ZNF483: variants seen among roughly 807,000 people sequenced by gnomAD.
ZNF483 encodes zinc finger protein HIT-10.
In ZNF483, 9 loss-of-function variants were observed where a neutral mutation model predicts 28.6. The ratio of observed to expected loss-of-function variants is 0.32; its 90% CI spans 0.19 to 0.55. The LOEUF (loss-of-function observed/expected upper bound fraction) is 0.55. ZNF483 is among the 20% of genes least tolerant of loss of function. The probability of loss-of-function intolerance (pLI) is 0.93; values close to 1 mark genes in which losing one functional copy is unlikely to be tolerated. For synonymous variants in ZNF483, 322 were observed against 306.2 expected (o/e 1.05, Z -0.54); for missense variants, 675 against 871.7 (o/e 0.77, Z 2.84).
chr9:111,575,152 A>T (rs1829005102), intron 5 of ZNF483, among the ~76,000 whole-genome samples: 1 of 152,174 alleles, frequency 6.6e-6, no homozygotes, highest in Non-Finnish European at 1.5e-5. Flanking sequence ...GATACAAAAA[A>T]TTAGAAGGGC....
downstream of ZNF483, among the ~76,000 whole-genome samples, chr9:111,557,607 T>C (rs1261433429): frequency 2.6e-5 from 4 of 151,830 alleles, no homozygotes; most frequent in African/African-American, 9.7e-5. Flanking sequence ...AATTTTTGTA[T>C]TTTAGTAGAG....
At chr9:111,574,662 C>A in intron 5 of ZNF483, 1 of 987,718 alleles carries the variant, frequency 1.0e-6, no homozygotes, top group Non-Finnish European at 1.5e-6. Context: ...AGTCACTGGC[C>A]TATGGCATAT....
chr9:111,527,816 T>C lies in ZNF483; in HGVS notation c.412+9T>C. ...GATGCTTGAAGAAAAAGGTGAGATT[T>C]ATAGATGGAGGGAGGAAGCGGGAGA... On this transcript the variant is annotated intron_variant, in intron 2 of 5. Coordinates refer to ENST00000309235, the MANE Select transcript of ZNF483 (RefSeq NM_133464.5). 1 of 1,614,018 alleles carries C rather than the reference T, an allele frequency of 6.2e-7. No individual in the cohort carries two copies. The highest frequency in any genetic ancestry group is 8.5e-7 in the Non-Finnish European group (1 of 1,180,016).
chr9:111,534,140 T>C, intron 4 of ZNF483, 121 bp from the exon 5 acceptor site: 1 of 886,224 alleles, frequency 1.1e-6, no homozygotes. Context: ...CCAGTATTTA[T>C]GTCTGTGTAT....
Position 111,549,851 on chromosome 9 carries a change from C to T in ZNF483, c.*6681C>T. On this transcript the variant is annotated 3_prime_UTR_variant, in exon 6 of 6. Transcript: ENST00000309235. The stretch of plus-strand genomic sequence containing the variant: ...TCTTTGAGCATCTTTAAGGCAGTTG[C>T]TTTAAAGTCTGTCTAGTGAGTCAAT... 8.5e-7 allele frequency: 1 copy of T among 1,177,898 alleles called. No individual in the cohort carries two copies. Among genetic ancestry groups the T allele is most frequent in the African/African-American group, 1.5e-5 (1 of 65,114 alleles). 73.0% of individuals were successfully genotyped at this position (1,177,898 alleles called of 1,614,324 possible). A position where few individuals can be genotyped will look rare whatever the true frequency, so the allele number is the denominator to read the frequency against.
At chr9:111,574,653 G>T in intron 5 of ZNF483, 3 of 817,090 alleles carry the variant, frequency 3.7e-6, no homozygotes, top group Non-Finnish European at 5.7e-6. Flanking sequence ...TAATTTCAGA[G>T]TCACTGGCCT....
Position 111,541,860 on chromosome 9 carries a change from C to A in ZNF483, c.925C>A (p.His309Asn). 6.2e-7 allele frequency: 1 copy of A among 1,613,804 alleles called. No individual in the cohort carries two copies. Among genetic ancestry groups the A allele is most frequent in the Non-Finnish European group, 8.5e-7 (1 of 1,179,932 alleles). ...KFDPDKSPFGHNFKETSDLIK... is the reference protein window; with the variant it reads ...KFDPDKSPFGNNFKETSDLIK... ...TGACCCAGATAAAAGCCCCTTTGGA[C>A]ATAATTTCAAAGAAACTTCAGACTT... is the stretch of plus-strand genomic sequence containing the variant. The change falls in exon 6 of 6, where the codon CAT (histidine) becomes AAT (asparagine). Residue 309 changes from histidine to asparagine, a missense_variant. His to Asn is a moderately conservative substitution (Grantham distance 68). Around this residue, in one of 6 missense-constraint regions of ZNF483, gnomAD observed 525 missense variants for 581.8 expected, o/e 0.90. Coordinates refer to ENST00000309235, the MANE Select transcript of ZNF483 (RefSeq NM_133464.5).
chr9:111,574,696 C>T (rs1216311922), intron 5 of ZNF483: 2 of 1,463,558 alleles, frequency 1.4e-6, no homozygotes, highest in East Asian at 2.3e-5. Context: ...CCTTGTCCAG[C>T]CTTGTGACAT....
intron 5 of ZNF483, chr9:111,563,447 A>G (rs901928086): frequency 6.8e-6 from 3 of 440,648 alleles, no homozygotes; most frequent in South Asian, 1.1e-4. Context: ...AGAAGAAATA[A>G]TAGGTGTCGG....
downstream of ZNF483, among the ~76,000 whole-genome samples, chr9:111,559,531 T>C (rs1198014532): frequency 6.6e-6 from 1 of 151,800 alleles, no homozygotes; most frequent in African/African-American, 2.4e-5. Context: ...CCAACTCCCC[T>C]CATCAGGCCA....
In ZNF483 at chr9:111,530,756, AATATATATATATATAT is replaced by A. The variant is rs60541488; in HGVS notation, c.413-89_413-74del. 51 of 70,574 alleles carry A rather than the reference AATATATATATATATAT, an allele frequency of 7.2e-4. 1 individual carries two copies. Among genetic ancestry groups the A allele is most frequent in the East Asian group, 4.4e-3 (12 of 2,758 alleles). The allele number at this position is 70,574 out of a possible 1,614,324, so 4.4% of individuals were successfully genotyped here. A position where few individuals can be genotyped will look rare whatever the true frequency, so the allele number is the denominator to read the frequency against. ...GTTTTTTTCCTGTTTATCACTTAGA[AATATATATATATATAT>A]ATATATATATATATATATATATATA... On this transcript the variant is annotated intron_variant, in intron 2 of 5. Coordinates refer to ENST00000309235, the MANE Select transcript of ZNF483 (RefSeq NM_133464.5).
chr9:111,573,148 A>G (rs1415965329), intron 5 of ZNF483, among the ~76,000 whole-genome samples: 1 of 152,166 alleles, frequency 6.6e-6, no homozygotes, highest in African/African-American at 2.4e-5. Flanking sequence ...GACTAGATCG[A>G]GTTACTGTAT....
At chr9:111,575,963 G>A (rs984767985) in intron 5 of ZNF483, among the ~76,000 whole-genome samples, 1 of 151,964 alleles carries the variant, frequency 6.6e-6, no homozygotes, top group African/African-American at 2.4e-5. Flanking sequence ...AAGCCAGCCT[G>A]GGCAACATAG....
rs72748035 is a variant in ZNF483, at chr9:111,549,331, G to A, written c.*6161G>A. ...TAGCACATTTTAGGGTTTCTCCCTT[G>A]TGTGGAAATGTTAGTGTCTATAAAG... On this transcript the variant is annotated 3_prime_UTR_variant, in exon 6 of 6. Transcript: ENST00000309235. Among the ~76,000 whole-genome samples, 2,200 of 152,268 alleles carry A rather than the reference G, an allele frequency of 0.014. 28 individuals are homozygous for A. The highest frequency in any genetic ancestry group is 0.028 in the South Asian group (136 of 4,820).
chr9:111,571,595 C>T (rs113739854), intron 5 of ZNF483, among the ~76,000 whole-genome samples: 36 of 132,402 alleles, frequency 2.7e-4, no homozygotes, highest in African/African-American at 8.2e-4. Context: ...TTCCCACCTC[C>T]GCCCTGCAAG....
intron 5 of ZNF483, among the ~76,000 whole-genome samples, chr9:111,538,591 T>C (rs539107204): frequency 3.0e-4 from 45 of 152,296 alleles, no homozygotes; most frequent in African/African-American, 1.1e-3. Context: ...AACAGTTGTT[T>C]TATCATATTT....
At chr9:111,557,352 C>T (rs1006990464), downstream of ZNF483, among the ~76,000 whole-genome samples, 2 of 150,808 alleles carry the variant, frequency 1.3e-5, no homozygotes, top group Admixed American at 6.6e-5. Context: ...CCAGTTTGGG[C>T]GACAGATCGA....
chr9:111,563,538 C>T (rs1828409151), intron 5 of ZNF483: 1 of 185,732 alleles, frequency 5.4e-6, no homozygotes, highest in East Asian at 1.4e-4. Flanking sequence ...CAGAGTCTCG[C>T]TCTGTTGCCC....
At chr9:111,561,183 G>GAGAGAGAA (rs1564608271) in intron 5 of ZNF483, among the ~76,000 whole-genome samples, 1 of 130,680 alleles carries the variant, frequency 7.7e-6, no homozygotes, top group African/African-American at 3.0e-5. Flanking sequence ...GAGAGAAAGA[G>GAGAGAGAA]AGAGAGATTC....
Sources: allele counts gnomAD v4.1 joint callset (sites outside exome capture counted in the v4.1 genomes callset), GRCh38; gene constraint gnomAD v4.1.1; regional missense constraint gnomAD v4.1.1; transcripts MANE v1.5; gene names NCBI Gene and HGNC (gene_info 2026-07-23, HGNC 2026-07-21).